Variants in NCBP3 observed in about 807,000 individuals in gnomAD.
The protein encoded by NCBP3 is nuclear cap-binding protein subunit 3.
Under a neutral mutation model 75.7 loss-of-function variants are expected in NCBP3, and 20 were observed. The ratio of observed to expected loss-of-function variants is 0.26; its 90% CI spans 0.19 to 0.38. The LOEUF (loss-of-function observed/expected upper bound fraction) is 0.38, where lower values mean the gene tolerates loss of function less well. Among genes scored for constraint, NCBP3 ranks in the 10% least tolerant of loss-of-function variants. The pLI is 1.00. For synonymous variants in NCBP3, 293 were observed against 290.5 expected (o/e 1.01, Z -0.09); for missense variants, 678 against 796.9 (o/e 0.85, Z 1.80).
intron 10 of NCBP3, 26 bp from the exon 11 acceptor site, chr17:3,816,296 A>G: frequency 1.9e-6 from 3 of 1,599,026 alleles, no homozygotes; most frequent in Non-Finnish European, 2.6e-6. Flanking sequence ...AGGATGGGGC[A>G]CAGTTAACCA....
intron 1 of NCBP3, 116 bp downstream of exon 1, chr17:3,845,925 T>C: frequency 8.3e-7 from 1 of 1,209,534 alleles, no homozygotes; most frequent in Non-Finnish European, 1.1e-6. Context: ...GGCTCCCTCC[T>C]CTCCCGCTCC....
rs1485243177 is a variant in NCBP3, at chr17:3,805,263, T to C, written c.*7781A>G. The C allele has an allele frequency of 6.6e-6, 1 of 151,984 alleles. No homozygotes were observed. Among genetic ancestry groups the C allele is most frequent in the African/African-American group, 2.4e-5 (1 of 41,390 alleles). The allele number at this position is 151,984 out of a possible 1,614,324, so 9.4% of individuals were successfully genotyped here. ...TACAGGTGTGAGCCACGTGCCCAGC[T>C]AGGTGGTGTGTAAACTTTAAAAAAG... On this transcript the variant is annotated 3_prime_UTR_variant, in exon 13 of 13. Transcript: ENST00000389005.
chr17:3,812,986 G>A lies in NCBP3; in HGVS notation c.*58C>T, dbSNP rs984351795. On this transcript the variant is annotated 3_prime_UTR_variant, in exon 13 of 13. Transcript: ENST00000389005. Reference sequence around the variant, plus strand: ...CCTGCGGGGGAGGTTCCTACTGCGCGCCCCACCCTGTGCAAGAATGTCAGG... The same window carrying A: ...CCTGCGGGGGAGGTTCCTACTGCGCACCCCACCCTGTGCAAGAATGTCAGG... The A allele has an allele frequency of 8.1e-6, 13 of 1,606,416 alleles. No individual in the cohort carries two copies. Among genetic ancestry groups the A allele is most frequent in the Admixed American group, 6.7e-5 (4 of 59,306 alleles).
rs1962086262 is a variant in NCBP3 at position 3,807,595 on chromosome 17, A to T, written c.*5449T>A. 6.6e-6 allele frequency: 1 copy of T among 152,226 alleles called. No individual in the cohort carries two copies. Among genetic ancestry groups the T allele is most frequent in the Non-Finnish European group, 1.5e-5 (1 of 68,054 alleles). The allele number at this position is 152,226 out of a possible 1,614,324, so 9.4% of individuals were successfully genotyped here. A position where few individuals can be genotyped will look rare whatever the true frequency, so the allele number is the denominator to read the frequency against. On this transcript the variant is annotated 3_prime_UTR_variant, in exon 13 of 13. Coordinates refer to ENST00000389005, the MANE Select transcript of NCBP3 (RefSeq NM_001114118.3). Reference sequence around the variant, plus strand: ...GGGCTGGCCTGATGAAAGGATACAGAGATAACACCACAAAGAAACTTGCTC... The same window carrying T: ...GGGCTGGCCTGATGAAAGGATACAGTGATAACACCACAAAGAAACTTGCTC...
Position 3,825,717 on chromosome 17 carries a change from T to C in NCBP3, c.687+50A>G, listed in dbSNP as rs913654243. 3 of 1,370,440 alleles carry C rather than the reference T, an allele frequency of 2.2e-6. No homozygotes were observed. The African/African-American group carries it at 4.3e-5, about 20-fold the overall frequency. 84.9% of individuals were successfully genotyped at this position (1,370,440 alleles called of 1,614,324 possible). A position where few individuals can be genotyped will look rare whatever the true frequency, so the allele number is the denominator to read the frequency against. The stretch of plus-strand genomic sequence containing the variant: ...TTTAAGGCTTAAGTTAAAAAGACAG[T>C]GAGCAATTTTTTACAATAACTTTAC... On this transcript the variant is annotated intron_variant, in intron 6 of 12. Coordinates refer to ENST00000389005, the MANE Select transcript of NCBP3 (RefSeq NM_001114118.3).
At chr17:3,844,095 A>G (rs1385364836) in intron 1 of NCBP3, among the ~76,000 whole-genome samples, 1 of 152,184 alleles carries the variant, frequency 6.6e-6, no homozygotes, top group African/African-American at 2.4e-5. Context: ...GTCTGAACGA[A>G]TTCCTCATGC....
Position 3,818,421 on chromosome 17 carries a change from C to T in NCBP3, c.1152G>A (p.Arg384=). The T allele has an allele frequency of 6.2e-7, 1 of 1,614,136 alleles. No homozygotes were observed. Among genetic ancestry groups the T allele is most frequent in the Non-Finnish European group, 8.5e-7 (1 of 1,180,020 alleles). ...HEELPALKQP[R]ERSASRRSSA... ...TGGATCGTCTAGACGCGCTCCGCTC[C>T]CGGGGCTGCTTGAGAGCCGGGAGCT... The change falls in exon 10 of 13, where the codon CGG becomes CGA. Residue 384 remains arginine, a synonymous_variant. Coordinates refer to ENST00000389005, the MANE Select transcript of NCBP3 (RefSeq NM_001114118.3). The surrounding 1 kb of genome is among the most constrained non-coding windows in gnomAD (Gnocchi z 4.7).
chr17:3,843,870 C>CT (rs1386313983), intron 1 of NCBP3, among the ~76,000 whole-genome samples: 1 of 152,166 alleles, frequency 6.6e-6, no homozygotes, highest in Non-Finnish European at 1.5e-5. Context: ...AATAGCCACT[C>CT]TTTTCAAAAC....
At chr17:3,844,176 CAAAT>C (rs2054116516) in intron 1 of NCBP3, among the ~76,000 whole-genome samples, 1 of 152,200 alleles carries the variant, frequency 6.6e-6, no homozygotes, top group Admixed American at 6.5e-5. Flanking sequence ...ACTCCTGAGG[CAAAT>C]ACAGCACAGT....
chr17:3,815,413 T>C (rs1345431116), intron 11 of NCBP3, among the ~76,000 whole-genome samples: 1 of 152,234 alleles, frequency 6.6e-6, no homozygotes, highest in Non-Finnish European at 1.5e-5. Context: ...TCCTAGCACC[T>C]AGACCAGGGT....
At chr17:3,840,615 G>A (rs922665613) in intron 2 of NCBP3, among the ~76,000 whole-genome samples, 1 of 152,128 alleles carries the variant, frequency 6.6e-6, no homozygotes, top group African/African-American at 2.4e-5. Context: ...AAGCAAAAAG[G>A]TTTGCTGGAG....
At chr17:3,841,316 G>C (rs1210009989) in intron 2 of NCBP3, among the ~76,000 whole-genome samples, 1 of 152,100 alleles carries the variant, frequency 6.6e-6, no homozygotes, top group East Asian at 1.9e-4. Context: ...ACTAATTGAA[G>C]GTCTGACTAC....
At chr17:3,839,157 T>C (rs904879024) in intron 3 of NCBP3, among the ~76,000 whole-genome samples, 6 of 152,112 alleles carry the variant, frequency 3.9e-5, no homozygotes, top group African/African-American at 1.2e-4. Flanking sequence ...CTGCGGCAGA[T>C]TACTATATAC....
Position 3,838,955 on chromosome 17 carries a change from T to C in NCBP3, c.355+1145A>G, listed in dbSNP as rs145297386. Among the ~76,000 whole-genome samples, 3 of 152,348 alleles carry C rather than the reference T, an allele frequency of 2.0e-5. No individual in the cohort carries two copies. In the East Asian group the frequency reaches 5.8e-4, roughly 29 times the overall value. ...AACAAGGCTAGAGAAGCTCATACAA[T>C]ACAGCACAGGCCTTTAACATGCATT... On this transcript the variant is annotated intron_variant, in intron 3 of 12. Transcript: ENST00000389005.
At chr17:3,842,311 C>T (rs1227802088) in intron 2 of NCBP3, among the ~76,000 whole-genome samples, 2 of 151,900 alleles carry the variant, frequency 1.3e-5, no homozygotes. Context: ...TGTAGTCCTA[C>T]CTACTCAGGA....
rs1350240603 is a variant in NCBP3, at chr17:3,806,029, C to G, written c.*7015G>C. 1 of 152,234 alleles carries G rather than the reference C, an allele frequency of 6.6e-6. No homozygotes were observed. The highest frequency in any genetic ancestry group is 1.9e-4 in the East Asian group (1 of 5,192). The allele number at this position is 152,234 out of a possible 1,614,324, so 9.4% of individuals were successfully genotyped here. ...CCCTGAGGAGAAGATGGCCACATCA[C>G]AGGATCGAACACTACCACAAAACTC... On this transcript the variant is annotated 3_prime_UTR_variant, in exon 13 of 13. Coordinates refer to ENST00000389005, the MANE Select transcript of NCBP3 (RefSeq NM_001114118.3).
rs1176906010 is a variant in NCBP3, at chr17:3,832,500, AGG to A, written c.356-3134_356-3133del. Reference sequence around the variant, plus strand: ...AAAACAATTAGCCAGGTGTGGTGGCAGGCACCTGTAGTCCCAGCTACTCGGGA... The same window carrying A: ...AAAACAATTAGCCAGGTGTGGTGGCACACCTGTAGTCCCAGCTACTCGGGA... On this transcript the variant is annotated intron_variant, in intron 3 of 12. Coordinates refer to ENST00000389005, the MANE Select transcript of NCBP3 (RefSeq NM_001114118.3). Among the ~76,000 whole-genome samples, 2 of 117,554 alleles carry A rather than the reference AGG, an allele frequency of 1.7e-5. 1 individual carries two copies. The highest frequency in any genetic ancestry group is 4.1e-5 in the Non-Finnish European group (2 of 48,908). The allele number at this position is 117,554 out of a possible 152,430, so 77.1% of individuals were successfully genotyped here.
intron 3 of NCBP3, among the ~76,000 whole-genome samples, chr17:3,837,015 G>A (rs1218232364): frequency 1.3e-5 from 2 of 151,818 alleles, no homozygotes; most frequent in East Asian, 1.9e-4. Context: ...GGGCATGGTG[G>A]TGTGCGTCTG....
At position 3,822,016 on chromosome 17, in the gene NCBP3, T is replaced by C. The variant is rs1279526700; in HGVS notation, c.833A>G (p.Gln278Arg). 6.4e-5 allele frequency: 103 copies of C among 1,612,590 alleles called. No homozygotes were observed. The highest frequency in any genetic ancestry group is 8.5e-5 in the Non-Finnish European group (100 of 1,179,358). The change falls in exon 8 of 13, where the codon CAG (glutamine) becomes CGG (arginine). Residue 278 changes from glutamine (Q) to arginine (R), a missense_variant. This residue lies in a region of NCBP3 where 38 missense variants were observed against 78.9 expected (regional missense o/e 0.48). Coordinates refer to ENST00000389005, the MANE Select transcript of NCBP3 (RefSeq NM_001114118.3). ...KKELGAARRS[Q>R]YYMKYGNPNY... ...TGGATTCCCATATTTCATGTAATAC[T>C]GACTTCTTCTGGCTGCTCCAAGTTC...
Sources: gnomAD v4.1 joint callset for allele counts (sites outside exome capture counted in the v4.1 genomes callset) on GRCh38, gnomAD v4.1.1 for gene constraint, gnomAD v4.1.1 regional missense constraint, Gnocchi (gnomAD v3.1) non-coding constraint, MANE v1.5 for transcripts, NCBI Gene and HGNC (gene_info 2026-07-23, HGNC 2026-07-21) for gene names.